The following VMA12 variants were observed in gnomAD, a reference collection of about 807,000 sequenced individuals.
The protein encoded by VMA12 is vacuolar ATPase assembly protein VMA12.
At chr17:28,357,695 G>C in the VMA12 span, 1 of 1,612,864 alleles carries the variant, frequency 6.2e-7, no homozygotes, top group South Asian at 1.1e-5. Context: ...GCTTGCGGGC[G>C]AGCGATTGGT....
At chr17:28,360,711 G>A in the VMA12 span, 4 of 1,610,732 alleles carry the variant, frequency 2.5e-6, no homozygotes, top group East Asian at 2.2e-5. Context: ...AACTAAAGGT[G>A]CCCTCTCTGG....
At chr17:28,363,019 G>A in the VMA12 span, 1 of 152,198 alleles carries the variant, frequency 6.6e-6, no homozygotes. Flanking sequence ...TGTCTGGAGA[G>A]GGAACTAGCG....
At chr17:28,360,408 A>G in the VMA12 span, 1 of 944,028 alleles carries the variant, frequency 1.1e-6, no homozygotes, top group Non-Finnish European at 1.6e-6. Flanking sequence ...GTTCCAGACA[A>G]AAGAATCCAT....
chr17:28,360,900 A>G, the VMA12 span: 1 of 1,473,284 alleles, frequency 6.8e-7, no homozygotes, highest in East Asian at 2.3e-5. Flanking sequence ...GTTAGTGGGT[A>G]AGGGAGGACG....
At chr17:28,360,732 A>G in the VMA12 span, 6 of 1,613,990 alleles carry the variant, frequency 3.7e-6, no homozygotes, top group South Asian at 1.1e-5. Flanking sequence ...CTCCTCCCCA[A>G]AGTGAGATCA....
the VMA12 span, chr17:28,360,547 ACT>A: frequency 6.2e-7 from 1 of 1,613,958 alleles, no homozygotes; most frequent in South Asian, 1.1e-5. Context: ...ACATGGTGGG[ACT>A]CTCAGCGACC....
chr17:28,358,567 T>G, the VMA12 span: 1 of 485,462 alleles, frequency 2.1e-6, no homozygotes, highest in Non-Finnish European at 4.2e-6. Flanking sequence ...TTGCCTAGTA[T>G]TAGTGTCCTC....
At chr17:28,361,991 A>G in the VMA12 span, 1 of 152,262 alleles carries the variant, frequency 6.6e-6, no homozygotes, top group Non-Finnish European at 1.5e-5. Context: ...TGGTGTGATG[A>G]TAGAGTCTGT....
the VMA12 span, chr17:28,359,384 AC>A: frequency 6.2e-7 from 1 of 1,614,104 alleles, no homozygotes; most frequent in South Asian, 1.1e-5. Flanking sequence ...TAAACGGATC[AC>A]CCGCAACGTC....
the VMA12 span, among the ~76,000 whole-genome samples, chr17:28,359,936 TAAGTG>T: frequency 5.9e-5 from 9 of 151,628 alleles, no homozygotes; most frequent in African/African-American, 2.2e-4. Flanking sequence ...AATAAATAAA[TAAGTG>T]GGAATGAATC....
At chr17:28,357,721 C>G in the VMA12 span, 1 of 1,613,220 alleles carries the variant, frequency 6.2e-7, no homozygotes, top group Non-Finnish European at 8.5e-7. Context: ...CTTTGGGCCC[C>G]GGCGGGGAGC....
chr17:28,357,784 G>A, the VMA12 span: 1 of 1,613,890 alleles, frequency 6.2e-7, no homozygotes. Flanking sequence ...AGGCCGCGCT[G>A]GGGAAGAAGC....
the VMA12 span, chr17:28,357,837 C>T: frequency 6.2e-7 from 1 of 1,614,132 alleles, no homozygotes; most frequent in South Asian, 1.1e-5. Flanking sequence ...CGCTTGGTTT[C>T]TTTCCGTCTC....
At chr17:28,360,577 G>T in the VMA12 span, 1 of 1,614,204 alleles carries the variant, frequency 6.2e-7, no homozygotes, top group Non-Finnish European at 8.5e-7. Context: ...GCAAGGTGAG[G>T]TACTAGGAGA....
chr17:28,362,410 G>A, the VMA12 span: 3 of 152,044 alleles, frequency 2.0e-5, no homozygotes, highest in African/African-American at 4.8e-5. Context: ...ACCTGTAATC[G>A]TAGCATTTTG....
chr17:28,358,068 C>T, the VMA12 span: 21 of 654,746 alleles, frequency 3.2e-5, no homozygotes, highest in Middle Eastern at 8.2e-4. Flanking sequence ...GACAAATTTG[C>T]TTGTGCAGTT....
At chr17:28,361,028 A>G in the VMA12 span, 1 of 977,526 alleles carries the variant, frequency 1.0e-6, no homozygotes, top group Non-Finnish European at 1.6e-6. Flanking sequence ...AGGAGAAGCC[A>G]CATTCTCTTT....
the VMA12 span, chr17:28,359,183 G>C: frequency 1.0e-6 from 1 of 1,003,022 alleles, no homozygotes; most frequent in African/African-American, 1.6e-5. Context: ...CAGTTTCAAA[G>C]CACTGGAGTT....
the VMA12 span, chr17:28,362,673 C>A: frequency 6.6e-6 from 1 of 152,238 alleles, no homozygotes; most frequent in South Asian, 2.1e-4. Context: ...TAGCGCACGC[C>A]TGTAGTCCCA....
Sources: allele counts gnomAD v4.1 joint callset (sites outside exome capture counted in the v4.1 genomes callset), GRCh38; gene constraint gnomAD v4.1.1; transcripts MANE v1.5; gene names NCBI Gene and HGNC (gene_info 2026-07-23, HGNC 2026-07-21).